The following CDON variants were observed in gnomAD, a reference collection of about 807,000 sequenced individuals.
CDON encodes cell adhesion molecule-related/down-regulated by oncogenes.
A neutral mutation model predicts 120.9 loss-of-function variants in CDON; 73 were observed. The observed-to-expected ratio is 0.60, with a 90% CI of 0.50 to 0.73. The LOEUF (loss-of-function observed/expected upper bound fraction) is 0.73. CDON is among the 30% of genes least tolerant of loss of function. The pLI is 0.00. For missense variants in CDON, 1,470 were observed against 1,587.3 expected (o/e 0.93, Z 1.26); for synonymous variants, 566 against 573.5 (o/e 0.99, Z 0.19).
At position 126,026,124 on chromosome 11, in the gene CDON, A is replaced by G. The variant is rs368485200; in HGVS notation, c.-61-2587T>C. On this transcript the variant is annotated intron_variant, in intron 1 of 19. Coordinates refer to ENST00000531738, the MANE Select transcript of CDON (RefSeq NM_001378964.1). ...CTTAAAATGAAAGGAATACAATAGA[A>G]TGCAATTCCCAGAAGTACCTTAAGG... 1.7e-4 allele frequency among the ~76,000 whole-genome samples: 26 copies of G among 152,272 alleles called. 2 individuals are homozygous for G. The highest frequency in any genetic ancestry group is 7.8e-4 in the Admixed American group (12 of 15,290).
chr11:125,985,910 AT>A, intron 15 of CDON, among the ~76,000 whole-genome samples: 1 of 152,188 alleles, frequency 6.6e-6, no homozygotes, highest in Non-Finnish European at 1.5e-5. Context: ...CAGTGTGGCG[AT>A]TACTCAAGGA....
intron 1 of CDON, among the ~76,000 whole-genome samples, chr11:126,046,124 C>A (rs1948401489): frequency 1.3e-5 from 2 of 152,176 alleles, no homozygotes; most frequent in South Asian, 2.1e-4. Flanking sequence ...GATCACACAT[C>A]TTCACAAATC....
chr11:125,971,395 T>A (rs1335804673), intron 18 of CDON, among the ~76,000 whole-genome samples: 1 of 143,434 alleles, frequency 7.0e-6, no homozygotes, highest in Admixed American at 7.0e-5. Flanking sequence ...AATAAATAAA[T>A]AAATAAATAA....
chr11:125,964,264 A>G (rs1046220067), intron 18 of CDON, among the ~76,000 whole-genome samples: 3 of 152,232 alleles, frequency 2.0e-5, no homozygotes, highest in African/African-American at 7.2e-5. Flanking sequence ...TTATACATCT[A>G]TATAACTAAC....
Position 126,006,064 on chromosome 11 carries a change from GGAGA to G in CDON, c.1553-11_1553-8del, listed in dbSNP as rs762936563. 343 of 1,612,872 alleles carry G rather than the reference GGAGA, an allele frequency of 2.1e-4. No individual in the cohort carries two copies. Among genetic ancestry groups the G allele is most frequent in the Admixed American group, 1.0e-4 (6 of 59,972 alleles). The stretch of plus-strand genomic sequence containing the variant: ...GTATTTGTTTCAAAAGGAACTGCAG[GGAGA>G]GAGAGAGGAGACAGCTTGAAGATAC... On this transcript the variant is annotated splice_polypyrimidine_tract_variant and splice_region_variant and intron_variant, in intron 8 of 19. Transcript: ENST00000531738.
At chr11:126,052,076 G>T (rs777365765) in intron 1 of CDON, among the ~76,000 whole-genome samples, 1 of 151,954 alleles carries the variant, frequency 6.6e-6, no homozygotes, top group Non-Finnish European at 1.5e-5. Flanking sequence ...ATTGGCTTTA[G>T]TTAGCCATGG....
At chr11:126,029,687 C>T (rs1947896151) in intron 1 of CDON, among the ~76,000 whole-genome samples, 1 of 152,134 alleles carries the variant, frequency 6.6e-6, no homozygotes, top group South Asian at 2.1e-4. Flanking sequence ...CCAGTGGTCT[C>T]AAATGGAATT....
At chr11:125,994,248 G>T in intron 14 of CDON, 36 bp downstream of exon 14, 1 of 1,039,502 alleles carries the variant, frequency 9.6e-7, no homozygotes, top group Non-Finnish European at 1.5e-6. Context: ...TCTCCAAAGC[G>T]CCTTTACAGG....
intron 10 of CDON, 44 bp downstream of exon 10, chr11:126,003,858 A>C: frequency 6.5e-7 from 1 of 1,541,284 alleles, no homozygotes; most frequent in Non-Finnish European, 9.0e-7. Flanking sequence ...ATAAATTGAC[A>C]TCAGGGCAGC....
intron 16 of CDON, among the ~76,000 whole-genome samples, chr11:125,982,175 C>T (rs1591562920): frequency 2.0e-5 from 3 of 151,628 alleles, no homozygotes; most frequent in Middle Eastern, 6.8e-3. Flanking sequence ...AGGGTTTCAC[C>T]GTGCTAGCCA....
At chr11:125,966,564 C>T (rs1361668737) in intron 18 of CDON, among the ~76,000 whole-genome samples, 1 of 152,166 alleles carries the variant, frequency 6.6e-6, no homozygotes, top group African/African-American at 2.4e-5. Flanking sequence ...GCACTGGAGA[C>T]ACAGAAGCTA....
intron 18 of CDON, among the ~76,000 whole-genome samples, chr11:125,962,501 A>ACCTCC (rs1945672369): frequency 6.6e-6 from 1 of 152,268 alleles, no homozygotes; most frequent in African/African-American, 2.4e-5. Flanking sequence ...GAAACGCTAT[A>ACCTCC]AGGATTAGAC....
At chr11:125,971,428 C>T (rs1389885497) in intron 18 of CDON, among the ~76,000 whole-genome samples, 2 of 123,522 alleles carry the variant, frequency 1.6e-5, no homozygotes, top group Non-Finnish European at 3.7e-5. Context: ...AATTAATGTT[C>T]TCATATTCAT....
intron 15 of CDON, among the ~76,000 whole-genome samples, chr11:125,987,732 A>G (rs1487162750): frequency 6.6e-6 from 1 of 152,190 alleles, no homozygotes; most frequent in Admixed American, 6.5e-5. Context: ...AGAGATGATA[A>G]ATTTCATTTT....
At chr11:125,975,727 G>A (rs934900671) in intron 18 of CDON, among the ~76,000 whole-genome samples, 3 of 152,166 alleles carry the variant, frequency 2.0e-5, no homozygotes, top group Non-Finnish European at 4.4e-5. Flanking sequence ...AGTAATGTGC[G>A]TTTTTATTAA....
intron 9 of CDON, among the ~76,000 whole-genome samples, chr11:126,005,073 G>T (rs1947071747): frequency 6.6e-6 from 1 of 152,218 alleles, no homozygotes; most frequent in Non-Finnish European, 1.5e-5. Context: ...GGATTAGGTG[G>T]TGGATCACTT....
intron 11 of CDON, 144 bp from the exon 12 acceptor site, chr11:125,997,554 G>A (rs1946825244): frequency 1.4e-6 from 1 of 695,794 alleles, no homozygotes; most frequent in Non-Finnish European, 2.6e-6. Context: ...ATTTACAGCA[G>A]TCTTCCTGTC....
At position 126,017,270 on chromosome 11, in the gene CDON, G is replaced by A. The variant is rs138087778; in HGVS notation, c.746C>T (p.Pro249Leu). Residue 249 changes from proline to leucine, a missense_variant, in exon 6 of 20, where the codon CCG becomes CTG. Transcript: ENST00000531738. The part of the protein sequence containing the change: ...VTLECVVSGV[P>L]APQVYWLKDG... ...CTTTAGCCAATACACTTGAGGAGCC[G>A]GGACCCCACTCACCACACACTCCAA... 4.1e-4 allele frequency: 657 copies of A among 1,614,032 alleles called. No homozygotes were observed. The Middle Eastern group carries it at 4.8e-3, about 12-fold the overall frequency.
chr11:126,023,134 G>A (rs1947685615), intron 2 of CDON, among the ~76,000 whole-genome samples: 1 of 138,398 alleles, frequency 7.2e-6, no homozygotes, highest in Admixed American at 7.4e-5. Context: ...AAAAAAGCAT[G>A]ATTGGAAAAT....
Sources: allele counts gnomAD v4.1 joint callset (sites outside exome capture counted in the v4.1 genomes callset), GRCh38; gene constraint gnomAD v4.1.1; transcripts MANE v1.5; gene names NCBI Gene and HGNC (gene_info 2026-07-23, HGNC 2026-07-21).